The following TENM2 variants were observed in gnomAD, a reference collection of about 807,000 sequenced individuals.
TENM2 encodes teneurin transmembrane protein 2.
A neutral mutation model predicts 245.2 loss-of-function variants in TENM2; 52 were observed. That is an observed-to-expected ratio of 0.21 (90% CI 0.17 to 0.27). The LOEUF (loss-of-function observed/expected upper bound fraction) is 0.27. Ranked by LOEUF, TENM2 falls within the 10% of genes least tolerant of loss-of-function variation. The pLI, the probability that TENM2 is intolerant of heterozygous loss-of-function variation, is 1.00. For missense variants in TENM2, 3,046 were observed against 3,666.8 expected, an observed-to-expected ratio of 0.83 and a Z score of 4.37; for synonymous variants, 1,363 against 1,438.9, an observed-to-expected ratio of 0.95 and a Z score of 1.19.
the TENM2 span, among the ~76,000 whole-genome samples, chr5:167,072,403 T>A: frequency 6.6e-6 from 1 of 152,196 alleles, no homozygotes; most frequent in East Asian, 1.9e-4. Flanking sequence ...TTGCCTTTTT[T>A]TGGCCTTGGT....
At chr5:167,667,107 G>A (rs1263359525) in intron 2 of TENM2, among the ~76,000 whole-genome samples, 1 of 152,184 alleles carries the variant, frequency 6.6e-6, no homozygotes, top group African/African-American at 2.4e-5. Flanking sequence ...CTTTGGTGGA[G>A]AAGGAGAGAG....
chr5:167,596,988 T>A (rs1258953588), intron 2 of TENM2, among the ~76,000 whole-genome samples: 2 of 151,926 alleles, frequency 1.3e-5, no homozygotes, highest in East Asian at 1.9e-4. Flanking sequence ...AGCCTGGCTT[T>A]TCTAAATCCG....
intron 2 of TENM2, among the ~76,000 whole-genome samples, chr5:167,500,040 GTGTT>G (rs1461258439): frequency 5.8e-5 from 8 of 137,732 alleles, no homozygotes; most frequent in East Asian, 2.2e-4. Context: ...GTGTGTGTGT[GTGTT>G]TGTACATATA....
the TENM2 span, among the ~76,000 whole-genome samples, chr5:167,123,143 CAA>C: frequency 0.023 from 2,337 of 102,768 alleles, 52 homozygotes; most frequent in African/African-American, 0.075. Flanking sequence ...ACTAAAAATA[CAA>C]AAAAAAAAAA....
chr5:167,834,058 C>T lies in TENM2; in HGVS notation c.503-41928C>T, dbSNP rs546679352. Among the ~76,000 whole-genome samples, 21 of 151,630 alleles carry T rather than the reference C, an allele frequency of 1.4e-4. No individual in the cohort carries two copies. In the South Asian group the frequency reaches 4.4e-3, roughly 32 times the overall value. On this transcript the variant is annotated intron_variant, in intron 2 of 28. Transcript: ENST00000518659. Reference sequence around the variant, plus strand: ...GCAAACTTGTCAGGCAAGGACCTTGCTTTTATGGAGCTGACATTCTAGAAG... The same window carrying T: ...GCAAACTTGTCAGGCAAGGACCTTGTTTTTATGGAGCTGACATTCTAGAAG...
chr5:167,224,442 G>A, the TENM2 span, among the ~76,000 whole-genome samples: 1 of 151,972 alleles, frequency 6.6e-6, no homozygotes, highest in Admixed American at 6.6e-5. Context: ...TATTGAAGAA[G>A]GTGTTCTTTC....
the TENM2 span, among the ~76,000 whole-genome samples, chr5:167,101,773 C>T: frequency 2.7e-5 from 4 of 145,854 alleles, no homozygotes; most frequent in East Asian, 2.0e-4. Context: ...AAGTGTCAGA[C>T]GTAAGCAAAG....
the TENM2 span, among the ~76,000 whole-genome samples, chr5:167,158,889 TTC>T: frequency 5.8e-4 from 85 of 146,472 alleles, no homozygotes; most frequent in African/African-American, 2.1e-3. Context: ...CCTTCCTTCC[TTC>T]CTTCCTTCCT....
chr5:167,202,175 A>G, the TENM2 span, among the ~76,000 whole-genome samples: 1 of 152,190 alleles, frequency 6.6e-6, no homozygotes, highest in African/African-American at 2.4e-5. Flanking sequence ...CTTGGATTCT[A>G]TAAATTTCCT....
intron 2 of TENM2, among the ~76,000 whole-genome samples, chr5:167,467,164 T>C (rs1474508447): frequency 6.6e-6 from 1 of 152,100 alleles, no homozygotes; most frequent in Non-Finnish European, 1.5e-5. Context: ...AGAGAGGTGA[T>C]TGGAACATGG....
intron 2 of TENM2, among the ~76,000 whole-genome samples, chr5:167,860,030 G>A (rs1355359682): frequency 9.4e-5 from 8 of 84,816 alleles, no homozygotes; most frequent in East Asian, 4.2e-4. Flanking sequence ...CCCCCTGCCC[G>A]GCCAGCCGCC....
intron 9 of TENM2, among the ~76,000 whole-genome samples, chr5:168,105,209 A>G (rs1794145207): frequency 6.6e-6 from 1 of 152,162 alleles, no homozygotes; most frequent in South Asian, 2.1e-4. Flanking sequence ...AAATTCAGGG[A>G]CTTATTATAC....
intron 2 of TENM2, among the ~76,000 whole-genome samples, chr5:167,719,791 T>G (rs1343114526): frequency 1.3e-5 from 2 of 152,192 alleles, no homozygotes; most frequent in African/African-American, 4.8e-5. Context: ...TGAGTGCTAC[T>G]AGCATCTAGT....
intron 5 of TENM2, among the ~76,000 whole-genome samples, chr5:168,034,337 T>G (rs1787468567): frequency 7.4e-6 from 1 of 135,490 alleles, no homozygotes. Context: ...TGAGACTCCG[T>G]CTAAAAAAAA....
At chr5:167,224,732 G>C in the TENM2 span, among the ~76,000 whole-genome samples, 545 of 151,894 alleles carry the variant, frequency 3.6e-3, 4 homozygotes, top group African/African-American at 0.013. Flanking sequence ...AAATTTTTCT[G>C]TGAAAAATTA....
chr5:168,111,757 T>C (rs768625093), intron 9 of TENM2, among the ~76,000 whole-genome samples: 17 of 152,150 alleles, frequency 1.1e-4, no homozygotes, highest in South Asian at 2.1e-4. Context: ...CATGGCAGCA[T>C]TGGGTGTAAG....
chr5:168,118,545 C>A, intron 10 of TENM2, 59 bp downstream of exon 12: 1 of 1,383,550 alleles, frequency 7.2e-7, no homozygotes, highest in Non-Finnish European at 9.7e-7. Context: ...CAGGGCCTGA[C>A]CTTTGCTAAT....
At chr5:168,234,157 G>C (rs2161300) in intron 25 of TENM2, among the ~76,000 whole-genome samples, 1 of 151,790 alleles carries the variant, frequency 6.6e-6, no homozygotes, top group Non-Finnish European at 1.5e-5. Context: ...TTGCGGGGGT[G>C]GGGGGTGGTC....
the TENM2 span, among the ~76,000 whole-genome samples, chr5:167,059,742 C>T: frequency 7.4e-6 from 1 of 135,000 alleles, no homozygotes; most frequent in African/African-American, 3.0e-5. Context: ...TTGCTCTTGT[C>T]GCCCAGGCTG....
Sources: allele counts gnomAD v4.1 joint callset (sites outside exome capture counted in the v4.1 genomes callset), GRCh38; gene constraint gnomAD v4.1.1; transcripts MANE v1.5; gene names NCBI Gene and HGNC (gene_info 2026-07-23, HGNC 2026-07-21).